FHIT: variants seen among roughly 807,000 people sequenced by gnomAD.
FHIT encodes the protein bis(5'-adenosyl)-triphosphatase.
FHIT carries 19 observed loss-of-function variants against 17.9 expected under a neutral mutation model. The ratio of observed to expected loss-of-function variants is 1.06; its 90% CI spans 0.74 to 1.56. The LOEUF (loss-of-function observed/expected upper bound fraction) is 1.56. Among genes scored for constraint, FHIT ranks in the 40% most tolerant of loss-of-function variants. FHIT has a pLI of 0.00. For synonymous variants in FHIT, 81 were observed against 69.7 expected, an observed-to-expected ratio of 1.16 and a Z score of -0.81; for missense variants, 248 against 189.2, an observed-to-expected ratio of 1.31 and a Z score of -1.82.
chr3:60,376,736 G>C (rs1241809427), intron 5 of FHIT, among the ~76,000 whole-genome samples: 1 of 151,950 alleles, frequency 6.6e-6, no homozygotes, highest in Non-Finnish European at 1.5e-5. Context: ...CCTTTAAAAC[G>C]TATTACCTTT....
intron 4 of FHIT, among the ~76,000 whole-genome samples, chr3:60,597,598 A>G (rs1290206940): frequency 6.6e-6 from 1 of 152,120 alleles, no homozygotes; most frequent in African/African-American, 2.4e-5. Context: ...GGAGGACCCA[A>G]ATGACAGTGA....
At chr3:60,680,942 C>A (rs575530794) in intron 4 of FHIT, among the ~76,000 whole-genome samples, 1 of 152,140 alleles carries the variant, frequency 6.6e-6, no homozygotes, top group African/African-American at 2.4e-5. Flanking sequence ...ATAGCTACTA[C>A]GTACAAAGCA....
intron 8 of FHIT, among the ~76,000 whole-genome samples, chr3:59,845,577 G>C (rs562529973): frequency 6.6e-6 from 1 of 152,034 alleles, no homozygotes; most frequent in South Asian, 2.1e-4. Flanking sequence ...ACAAATTTTT[G>C]AATTTTTCAG....
At chr3:60,212,669 A>C (rs1408104681) in intron 5 of FHIT, among the ~76,000 whole-genome samples, 1 of 152,198 alleles carries the variant, frequency 6.6e-6, no homozygotes, top group Admixed American at 6.5e-5. Context: ...TGGGGAGAGG[A>C]ATATTATTTA....
At chr3:60,644,527 C>T (rs1553686212) in intron 4 of FHIT, among the ~76,000 whole-genome samples, 1 of 152,156 alleles carries the variant, frequency 6.6e-6, no homozygotes, top group Admixed American at 6.5e-5. Context: ...AATAAGCATA[C>T]AAATACATAA....
chr3:60,539,004 A>C (rs2036086940), intron 4 of FHIT, among the ~76,000 whole-genome samples: 1 of 152,146 alleles, frequency 6.6e-6, no homozygotes, highest in Non-Finnish European at 1.5e-5. Flanking sequence ...GTGAACAGGC[A>C]ACCTACAGAA....
intron 4 of FHIT, among the ~76,000 whole-genome samples, chr3:60,645,369 C>T (rs965691927): frequency 2.0e-5 from 3 of 152,108 alleles, no homozygotes; most frequent in African/African-American, 7.2e-5. Flanking sequence ...ATGCATGGGC[C>T]CTCTAAACTT....
At chr3:59,880,409 C>T (rs17061318) in intron 8 of FHIT, among the ~76,000 whole-genome samples, 10,300 of 152,164 alleles carry the variant, frequency 0.068, 1,133 homozygotes, top group African/African-American at 0.23. Flanking sequence ...TCAGCTTCAT[C>T]GATAGCAGAA....
chr3:60,467,107 T>C (rs2032840118), intron 5 of FHIT, among the ~76,000 whole-genome samples: 1 of 152,028 alleles, frequency 6.6e-6, no homozygotes, highest in South Asian at 2.1e-4. Flanking sequence ...GTTGTGTGTG[T>C]CTAGAAACAT....
At chr3:60,618,880 C>T (rs2039031966) in intron 4 of FHIT, among the ~76,000 whole-genome samples, 1 of 151,980 alleles carries the variant, frequency 6.6e-6, no homozygotes, top group Non-Finnish European at 1.5e-5. Context: ...AAGGAAGGGA[C>T]CATAAGCCAA....
chr3:60,560,735 G>A (rs1200067346), intron 4 of FHIT, among the ~76,000 whole-genome samples: 1 of 150,332 alleles, frequency 6.7e-6, no homozygotes, highest in African/African-American at 2.4e-5. Flanking sequence ...TTTACTTTTA[G>A]GTGAGTTTTC....
At chr3:60,975,409 A>C (rs1205834396) in intron 3 of FHIT, among the ~76,000 whole-genome samples, 2 of 152,220 alleles carry the variant, frequency 1.3e-5, no homozygotes, top group Non-Finnish European at 2.9e-5. Flanking sequence ...AAATATGCCC[A>C]GTTAATGTAT....
intron 8 of FHIT, among the ~76,000 whole-genome samples, chr3:59,852,858 A>G (rs1701998498): frequency 6.6e-6 from 1 of 151,992 alleles, no homozygotes; most frequent in African/African-American, 2.4e-5. Flanking sequence ...ATTGATAGCT[A>G]ATTTGTTTTT....
At chr3:60,810,943 A>G (rs896417052) in intron 4 of FHIT, among the ~76,000 whole-genome samples, 5 of 152,326 alleles carry the variant, frequency 3.3e-5, no homozygotes, top group South Asian at 2.1e-4. Flanking sequence ...ACTGGAAAAA[A>G]CATAGGCCTT....
intron 5 of FHIT, among the ~76,000 whole-genome samples, chr3:60,393,674 T>A (rs1055480931): frequency 6.6e-6 from 1 of 152,134 alleles, no homozygotes; most frequent in South Asian, 2.1e-4. Flanking sequence ...ACGTTTTTTT[T>A]ATTTAAATAA....
chr3:60,127,329 T>C (rs1705599720), intron 5 of FHIT, among the ~76,000 whole-genome samples: 1 of 152,186 alleles, frequency 6.6e-6, no homozygotes, highest in Non-Finnish European at 1.5e-5. Context: ...GATATCTAAA[T>C]AGCAAATCAT....
intron 5 of FHIT, among the ~76,000 whole-genome samples, chr3:60,408,998 G>T (rs1321502052): frequency 1.3e-5 from 2 of 152,022 alleles, no homozygotes; most frequent in Non-Finnish European, 2.9e-5. Flanking sequence ...CAGACTCGGG[G>T]GCTCAAACGC....
chr3:59,805,394 G>C (rs928760768), intron 8 of FHIT, among the ~76,000 whole-genome samples: 5 of 152,162 alleles, frequency 3.3e-5, no homozygotes, highest in Non-Finnish European at 7.4e-5. Flanking sequence ...AATGTGAGAA[G>C]GTAACAGAAG....
intron 5 of FHIT, among the ~76,000 whole-genome samples, chr3:60,220,839 A>C (rs1256628308): frequency 2.0e-5 from 3 of 152,206 alleles, no homozygotes; most frequent in Non-Finnish European, 2.9e-5. Flanking sequence ...GCAGTATTAG[A>C]AAAGAAAAGC....
Sources: allele counts gnomAD v4.1 joint callset (sites outside exome capture counted in the v4.1 genomes callset), GRCh38; gene constraint gnomAD v4.1.1; transcripts MANE v1.5; gene names NCBI Gene and HGNC (gene_info 2026-07-23, HGNC 2026-07-21).